SHLD2: variants seen among roughly 807,000 people sequenced by gnomAD.
SHLD2 encodes the protein RINN1-REV7-interacting novel NHEJ regulator 2.
A neutral mutation model predicts 73.2 loss-of-function variants in SHLD2; 30 were observed. The observed-to-expected ratio is 0.41, with a 90% CI of 0.31 to 0.56. SHLD2 has a LOEUF of 0.56. SHLD2 is among the 20% of genes least tolerant of loss of function. The probability of loss-of-function intolerance (pLI) is 0.28; values close to 1 mark genes in which losing one functional copy is unlikely to be tolerated. For synonymous variants in SHLD2, 285 were observed against 370.1 expected, an observed-to-expected ratio of 0.77 and a Z score of 2.64; for missense variants, 745 against 1,055.9, an observed-to-expected ratio of 0.71 and a Z score of 4.08.
chr10:87,164,862 A>G (rs1392344011), intron 4 of SHLD2, among the ~76,000 whole-genome samples: 3 of 152,198 alleles, frequency 2.0e-5, no homozygotes, highest in African/African-American at 7.2e-5. Flanking sequence ...TGGAATTCCA[A>G]TTAATAAATC....
At position 87,186,344 on chromosome 10, in the gene SHLD2, A is replaced by G. The variant is rs181320709; in HGVS notation, c.2400-741A>G. Among the ~76,000 whole-genome samples, 5 of 152,322 alleles carry G rather than the reference A, an allele frequency of 3.3e-5. No homozygotes were observed. In the East Asian group the frequency reaches 9.6e-4, roughly 29 times the overall value. On this transcript the variant is annotated intron_variant, in intron 8 of 9. Coordinates refer to ENST00000298786, the MANE Select transcript of SHLD2 (RefSeq NM_001330112.2). Reference sequence around the variant, plus strand: ...ATTTTTTAAAAATCAATGTAGTTATAAAATAGGTACCACATGCCATGATTA... The same window carrying G: ...ATTTTTTAAAAATCAATGTAGTTATGAAATAGGTACCACATGCCATGATTA...
intron 4 of SHLD2, 75 bp from the exon 5 acceptor site, chr10:87,170,403 T>A: frequency 9.4e-7 from 1 of 1,067,780 alleles, no homozygotes; most frequent in Non-Finnish European, 1.3e-6. Flanking sequence ...AAAATACAGT[T>A]CTAAAAAATA....
intron 7 of SHLD2, 132 bp from the exon 8 acceptor site, chr10:87,179,943 A>G: frequency 2.9e-6 from 2 of 691,876 alleles, no homozygotes; most frequent in Non-Finnish European, 5.1e-6. Flanking sequence ...AGTAAAGAAG[A>G]CGAAGAACAA....
chr10:87,185,986 G>T (rs1203834373), intron 8 of SHLD2, among the ~76,000 whole-genome samples: 1 of 152,240 alleles, frequency 6.6e-6, no homozygotes, highest in Middle Eastern at 3.4e-3. Flanking sequence ...TGGGATTACA[G>T]GCATGAGCCA....
At chr10:87,104,276 A>C (rs1842456792) in intron 2 of SHLD2, among the ~76,000 whole-genome samples, 1 of 143,098 alleles carries the variant, frequency 7.0e-6, no homozygotes, top group African/African-American at 2.6e-5. Flanking sequence ...GGCTGGGCTC[A>C]GTGGCTCACA....
intron 2 of SHLD2, among the ~76,000 whole-genome samples, chr10:87,115,827 T>C (rs770351090): frequency 4.4e-4 from 67 of 152,086 alleles, no homozygotes; most frequent in Admixed American, 2.6e-4. Context: ...AAAGGAATCC[T>C]GGGGGAATAT....
At chr10:87,120,327 A>G (rs1843527419) in intron 2 of SHLD2, among the ~76,000 whole-genome samples, 1 of 151,730 alleles carries the variant, frequency 6.6e-6, no homozygotes, top group Non-Finnish European at 1.5e-5. Flanking sequence ...GGCTCACTGC[A>G]AGCTCCGCCT....
intron 7 of SHLD2, among the ~76,000 whole-genome samples, chr10:87,179,551 GC>G (rs1848173002): frequency 6.6e-6 from 1 of 152,270 alleles, no homozygotes; most frequent in Admixed American, 6.5e-5. Context: ...ACAGGCGCCA[GC>G]CACCGCGCCT....
chr10:87,124,249 A>C (rs1412325331), intron 2 of SHLD2, among the ~76,000 whole-genome samples: 1 of 152,046 alleles, frequency 6.6e-6, no homozygotes, highest in Admixed American at 6.6e-5. Context: ...CACTTAATCT[A>C]TGTGAGGCTA....
intron 2 of SHLD2, among the ~76,000 whole-genome samples, chr10:87,116,429 G>T (rs1843259249): frequency 6.6e-6 from 1 of 151,328 alleles, no homozygotes; most frequent in Admixed American, 6.6e-5. Flanking sequence ...GAGGTTAGTG[G>T]GAATGGAGTG....
rs561121893 is a variant in SHLD2 at position 87,158,190 on chromosome 10, G to A, written c.1633+35G>A. On this transcript the variant is annotated intron_variant, in intron 4 of 9. Transcript: ENST00000298786. ...ATTTTAAATGAAGTAATGTAGTAGT[G>A]TTTAAAGTATAAAAACATACTAGGA... 2.7e-5 allele frequency: 43 copies of A among 1,591,752 alleles called. 2 individuals are homozygous for A. In the South Asian group the frequency reaches 4.9e-4, roughly 18 times the overall value.
chr10:87,160,987 CAA>C (rs147632356), intron 4 of SHLD2, among the ~76,000 whole-genome samples: 20 of 112,640 alleles, frequency 1.8e-4, no homozygotes, highest in Non-Finnish European at 2.1e-4. Context: ...ATTCGGTCTC[CAA>C]AAAAAAAAAA....
intron 2 of SHLD2, among the ~76,000 whole-genome samples, chr10:87,124,839 G>A (rs1336601746): frequency 1.3e-5 from 2 of 151,120 alleles, no homozygotes; most frequent in African/African-American, 4.9e-5. Context: ...GAACCTCCTG[G>A]GCTCAATTGA....
intron 2 of SHLD2, among the ~76,000 whole-genome samples, chr10:87,122,136 G>T (rs1443365218): frequency 2.7e-4 from 28 of 105,154 alleles, no homozygotes; most frequent in African/African-American, 1.0e-3. Flanking sequence ...GGCGTGGCTG[G>T]TTTTTTTTTT....
intron 2 of SHLD2, among the ~76,000 whole-genome samples, chr10:87,111,452 C>T (rs1842914354): frequency 6.6e-6 from 1 of 151,696 alleles, no homozygotes; most frequent in South Asian, 2.1e-4. Context: ...ACCAGTCTGG[C>T]CAACATGGTG....
At chr10:87,153,350 G>T (rs559433759) in intron 3 of SHLD2, among the ~76,000 whole-genome samples, 1 of 152,324 alleles carries the variant, frequency 6.6e-6, no homozygotes, top group East Asian at 1.9e-4. Flanking sequence ...AGGCTGCAGT[G>T]AGCTTTGATT....
intron 3 of SHLD2, among the ~76,000 whole-genome samples, chr10:87,153,381 G>A (rs1040383342): frequency 3.3e-5 from 5 of 152,192 alleles, no homozygotes; most frequent in Admixed American, 1.3e-4. Flanking sequence ...ACTCCAGCCC[G>A]AGCAACAGAG....
At chr10:87,121,047 T>C (rs1193298763) in intron 2 of SHLD2, among the ~76,000 whole-genome samples, 1 of 151,770 alleles carries the variant, frequency 6.6e-6, no homozygotes, top group East Asian at 1.9e-4. Flanking sequence ...CGAAACTCTG[T>C]CTCAAAAAAA....
At chr10:87,190,129 G>C (rs1848954757) in intron 9 of SHLD2, among the ~76,000 whole-genome samples, 1 of 152,232 alleles carries the variant, frequency 6.6e-6, no homozygotes, top group African/African-American at 2.4e-5. Flanking sequence ...CACAATCTCA[G>C]CTCATTGCAA....
Sources: allele counts gnomAD v4.1 joint callset (sites outside exome capture counted in the v4.1 genomes callset), GRCh38; gene constraint gnomAD v4.1.1; transcripts MANE v1.5; gene names NCBI Gene and HGNC (gene_info 2026-07-23, HGNC 2026-07-21).